The following RHBDD1 variants were observed in gnomAD, a reference collection of about 807,000 sequenced individuals.
The protein encoded by RHBDD1 is rhomboid domain containing 1.
Under a neutral mutation model 36.3 loss-of-function variants are expected in RHBDD1, and 38 were observed. That is an observed-to-expected ratio of 1.05 (90% CI 0.81 to 1.37). RHBDD1 has a LOEUF of 1.37. Among genes scored for constraint, RHBDD1 ranks in the 40% most tolerant of loss-of-function variants. The pLI is 0.00. For missense variants in RHBDD1, 393 were observed against 377.6 expected (o/e 1.04, Z -0.34); for synonymous variants, 151 against 136.5 (o/e 1.11, Z -0.74).
chr2:226,923,876 T>C (rs1114562), intron 8 of RHBDD1, among the ~76,000 whole-genome samples: 75,781 of 151,678 alleles, frequency 0.5, 19,783 homozygotes, highest in African/African-American at 0.66. Flanking sequence ...CCAAATTTGT[T>C]TAATGGGAAT....
chr2:226,991,431 C>T (rs1257823780), intron 8 of RHBDD1, among the ~76,000 whole-genome samples: 1 of 152,218 alleles, frequency 6.6e-6, no homozygotes, highest in Non-Finnish European at 1.5e-5. Flanking sequence ...CCGCCCGCCT[C>T]AGCCTCCCAA....
chr2:226,872,890 A>T (rs1944902279), intron 5 of RHBDD1, among the ~76,000 whole-genome samples: 1 of 152,234 alleles, frequency 6.6e-6, no homozygotes, highest in Non-Finnish European at 1.5e-5. Context: ...TTCTCCAAAA[A>T]GGAAAGGAAC....
chr2:226,855,791 T>G (rs535716768), intron 3 of RHBDD1, among the ~76,000 whole-genome samples: 4 of 152,330 alleles, frequency 2.6e-5, no homozygotes, highest in African/African-American at 9.6e-5. Flanking sequence ...GTCACAGTAG[T>G]CATAAAGACG....
At chr2:226,880,176 G>A (rs1945591775) in intron 5 of RHBDD1, among the ~76,000 whole-genome samples, 1 of 152,104 alleles carries the variant, frequency 6.6e-6, no homozygotes, top group South Asian at 2.1e-4. Context: ...GATGACAAGT[G>A]TATATAGAAT....
At chr2:226,851,710 C>T (rs1942833882) in intron 3 of RHBDD1, among the ~76,000 whole-genome samples, 1 of 152,172 alleles carries the variant, frequency 6.6e-6, no homozygotes, top group Non-Finnish European at 1.5e-5. Context: ...TATACCTTCA[C>T]TCTGTGTAAT....
At chr2:226,954,805 C>T (rs1307717711) in intron 8 of RHBDD1, among the ~76,000 whole-genome samples, 3 of 151,400 alleles carry the variant, frequency 2.0e-5, no homozygotes, top group Non-Finnish European at 2.9e-5. Context: ...TCTAAGGAGA[C>T]GATAATTAAC....
At chr2:226,950,252 A>C in intron 8 of RHBDD1, among the ~76,000 whole-genome samples, 1 of 152,138 alleles carries the variant, frequency 6.6e-6, no homozygotes, top group East Asian at 1.9e-4. Flanking sequence ...CTGTGAGTTC[A>C]GTTTTTTAAG....
At chr2:226,926,869 G>A (rs148924378) in intron 8 of RHBDD1, among the ~76,000 whole-genome samples, 118 of 152,068 alleles carry the variant, frequency 7.8e-4, no homozygotes, top group African/African-American at 2.7e-3. Flanking sequence ...TTTTTACAAG[G>A]CTAAATATTA....
In RHBDD1 at chr2:226,997,258, AT is replaced by A. The variant is rs1959613907; in HGVS notation, c.*1738del. On this transcript the variant is annotated 3_prime_UTR_variant, in exon 9 of 9. Transcript: ENST00000392062. ...GTCTAGAAGCTTTAAATGTGTTTAAATTAAAATATTCAAGCTAAATGTTACT... is the reference window on the plus strand; with the variant it reads ...GTCTAGAAGCTTTAAATGTGTTTAAATAAAATATTCAAGCTAAATGTTACT... The A allele has an allele frequency of 6.6e-6, 1 of 152,230 alleles. No homozygotes were observed. The highest frequency in any genetic ancestry group is 1.5e-5 in the Non-Finnish European group (1 of 68,038). The allele number at this position is 152,230 out of a possible 1,614,324, so 9.4% of individuals were successfully genotyped here. A position where few individuals can be genotyped will look rare whatever the true frequency, so the allele number is the denominator to read the frequency against.
chr2:226,843,442 C>T (rs909184601), intron 3 of RHBDD1, among the ~76,000 whole-genome samples: 1 of 151,952 alleles, frequency 6.6e-6, no homozygotes, highest in East Asian at 1.9e-4. Context: ...GAGGTAAGTG[C>T]CTTTAATCCC....
chr2:226,961,767 T>A (rs1393124426), intron 8 of RHBDD1, among the ~76,000 whole-genome samples: 1 of 152,194 alleles, frequency 6.6e-6, no homozygotes, highest in Non-Finnish European at 1.5e-5. Context: ...TAACAGCTGG[T>A]GCATACCTCG....
At chr2:226,925,158 G>A (rs1320915753) in intron 8 of RHBDD1, among the ~76,000 whole-genome samples, 4 of 152,130 alleles carry the variant, frequency 2.6e-5, no homozygotes, top group Non-Finnish European at 5.9e-5. Context: ...ATGCAAATTG[G>A]TATAACCTTT....
chr2:226,972,973 CT>C (rs1953871857), intron 8 of RHBDD1, among the ~76,000 whole-genome samples: 1 of 150,774 alleles, frequency 6.6e-6, no homozygotes, highest in Admixed American at 6.6e-5. Context: ...TCCCCCACTG[CT>C]ATATGATTTT....
At chr2:226,919,004 A>G (rs753861650) in intron 8 of RHBDD1, among the ~76,000 whole-genome samples, 1 of 152,070 alleles carries the variant, frequency 6.6e-6, no homozygotes, top group Admixed American at 6.6e-5. Context: ...CATAAAAGCC[A>G]TTTTAACTGG....
intron 8 of RHBDD1, among the ~76,000 whole-genome samples, chr2:226,964,386 T>C (rs776600249): frequency 3.9e-5 from 6 of 152,154 alleles, no homozygotes; most frequent in African/African-American, 9.7e-5. Flanking sequence ...ACCTTTTTTC[T>C]TTCTTGTTTT....
chr2:226,921,535 T>C (rs528278567), intron 8 of RHBDD1, among the ~76,000 whole-genome samples: 117 of 152,300 alleles, frequency 7.7e-4, no homozygotes, highest in Non-Finnish European at 1.4e-3. Flanking sequence ...GTTGTGTTTG[T>C]ATTATCATTT....
chr2:226,971,069 A>G (rs1243082572), intron 8 of RHBDD1, among the ~76,000 whole-genome samples: 1 of 152,150 alleles, frequency 6.6e-6, no homozygotes, highest in Non-Finnish European at 1.5e-5. Context: ...ACTACTTTTA[A>G]TTTTATAGTT....
At chr2:226,962,877 T>G (rs1952317613) in intron 8 of RHBDD1, among the ~76,000 whole-genome samples, 2 of 152,244 alleles carry the variant, frequency 1.3e-5, no homozygotes, top group Admixed American at 6.5e-5. Flanking sequence ...GATCCAAAGT[T>G]GAGCCCTCTT....
chr2:226,894,044 A>G (rs1311276315), intron 5 of RHBDD1, among the ~76,000 whole-genome samples: 2 of 152,194 alleles, frequency 1.3e-5, no homozygotes, highest in Non-Finnish European at 2.9e-5. Context: ...AAGTGAGGGA[A>G]AGTTGTACTT....
Sources: allele counts gnomAD v4.1 joint callset (sites outside exome capture counted in the v4.1 genomes callset), GRCh38; gene constraint gnomAD v4.1.1; transcripts MANE v1.5; gene names NCBI Gene and HGNC (gene_info 2026-07-23, HGNC 2026-07-21).